Variants in BIN2 observed in about 807,000 individuals in gnomAD.
The protein encoded by BIN2 is breast cancer associated protein BRAP1.
In BIN2, 43 loss-of-function variants were observed where a neutral mutation model predicts 67.9. The observed-to-expected ratio is 0.63, with a 90% CI of 0.50 to 0.82. The LOEUF (loss-of-function observed/expected upper bound fraction) is 0.82. BIN2 is among the 40% of genes least tolerant of loss of function. The probability of loss-of-function intolerance (pLI) is 0.00; values close to 1 mark genes in which losing one functional copy is unlikely to be tolerated. For synonymous variants in BIN2, 244 were observed against 246.8 expected (o/e 0.99, Z 0.11); for missense variants, 581 against 671.6 (o/e 0.87, Z 1.49).
At chr12:51,293,466 T>A (rs551753610) in intron 9 of BIN2, among the ~76,000 whole-genome samples, 8 of 152,182 alleles carry the variant, frequency 5.3e-5, no homozygotes, top group African/African-American at 1.9e-4. Flanking sequence ...CCCGCCACCA[T>A]GCCCAGCTAA....
intron 7 of BIN2, among the ~76,000 whole-genome samples, chr12:51,297,845 T>C (rs1032550643): frequency 1.3e-5 from 2 of 152,180 alleles, no homozygotes; most frequent in Admixed American, 6.5e-5. Flanking sequence ...TAAGTAATTA[T>C]TCTTTCCCTT....
At chr12:51,295,737 A>G in intron 9 of BIN2, 59 bp downstream of exon 9, 1 of 1,403,078 alleles carries the variant, frequency 7.1e-7, no homozygotes, top group Non-Finnish European at 1.0e-6. Context: ...GGAGATGAGG[A>G]TGTTGAATAC....
At position 51,302,773 on chromosome 12, in the gene BIN2, A is replaced by G. The variant is rs1379408859; in HGVS notation, c.225T>C (p.His75=). 4 of 1,613,108 alleles carry G rather than the reference A, an allele frequency of 2.5e-6. No individual in the cohort carries two copies. The highest frequency in any genetic ancestry group is 2.2e-5 in the East Asian group (1 of 44,878). Reference sequence around the variant, plus strand: ...TTTCTGACACTCTTTTTGAACTTTCATGCATCACTGAAAGGAGAGAATTCA... The same window carrying G: ...TTTCTGACACTCTTTTTGAACTTTCGTGCATCACTGAAAGGAGAGAATTCA... ...KNFLSAVKVM[H]ESSKRVSETL... Residue 75 remains histidine (H), a synonymous_variant, in exon 4 of 13, where the codon CAT becomes CAC. Transcript: ENST00000615107.
chr12:51,287,189 G>A (rs1205307842), intron 11 of BIN2, among the ~76,000 whole-genome samples: 1 of 152,068 alleles, frequency 6.6e-6, no homozygotes, highest in Non-Finnish European at 1.5e-5. Flanking sequence ...GCCCAAGCTG[G>A]AGTGCAGTGG....
intron 1 of BIN2, among the ~76,000 whole-genome samples, chr12:51,318,038 C>G (rs144947988): frequency 2.0e-5 from 3 of 152,190 alleles, no homozygotes; most frequent in Admixed American, 1.3e-4. Context: ...TAAAGGGTGA[C>G]AGCAGAAAGA....
At chr12:51,305,971 G>A (rs2137410277) in intron 2 of BIN2, among the ~76,000 whole-genome samples, 1 of 151,556 alleles carries the variant, frequency 6.6e-6, no homozygotes, top group Admixed American at 6.6e-5. Flanking sequence ...TGCATAGCTA[G>A]GACTACAGGT....
At chr12:51,310,677 C>T (rs972702365) in intron 2 of BIN2, among the ~76,000 whole-genome samples, 3 of 152,180 alleles carry the variant, frequency 2.0e-5, no homozygotes, top group Non-Finnish European at 4.4e-5. Flanking sequence ...CATACACATA[C>T]ATAGCAAAGT....
intron 11 of BIN2, among the ~76,000 whole-genome samples, chr12:51,285,312 G>T (rs568820125): frequency 6.6e-6 from 1 of 152,218 alleles, no homozygotes; most frequent in African/African-American, 2.4e-5. Flanking sequence ...ACGTGCAGGG[G>T]TGCACACCTG....
chr12:51,292,812 G>A lies in BIN2; in HGVS notation c.762-468C>T, dbSNP rs889034113. On this transcript the variant is annotated intron_variant, in intron 9 of 12. Transcript: ENST00000615107. ...GGCAATCATCTACCTTCTTGCTTCC[G>A]TTCTCAAACTGTAAACAAATGTCCT... 7.9e-5 allele frequency among the ~76,000 whole-genome samples: 12 copies of A among 152,212 alleles called. No homozygotes were observed. In the South Asian group the frequency reaches 8.3e-4, roughly 11 times the overall value.
intron 9 of BIN2, among the ~76,000 whole-genome samples, 193 bp downstream of exon 9, chr12:51,295,603 T>A (rs1247190857): frequency 0.068 from 1,601 of 23,636 alleles, 239 homozygotes; most frequent in Middle Eastern, 0.11. Context: ...TATATATATA[T>A]ATATATATAT....
chr12:51,284,044 G>A (rs1945181374), intron 12 of BIN2, among the ~76,000 whole-genome samples: 1 of 151,582 alleles, frequency 6.6e-6, no homozygotes, highest in East Asian at 1.9e-4. Flanking sequence ...TAGCCTAAGT[G>A]TACAGTGTTT....
At chr12:51,307,848 G>A (rs1412114579) in intron 2 of BIN2, among the ~76,000 whole-genome samples, 2 of 152,138 alleles carry the variant, frequency 1.3e-5, no homozygotes, top group Non-Finnish European at 2.9e-5. Flanking sequence ...AAAACTAGGG[G>A]GTACTCTATC....
chr12:51,323,442 C>T (rs1946340567), intron 1 of BIN2, among the ~76,000 whole-genome samples: 2 of 149,726 alleles, frequency 1.3e-5, no homozygotes, highest in Admixed American at 6.6e-5. Flanking sequence ...GGTGTACTCC[C>T]CAACGCCAAA....
At chr12:51,285,916 G>A (rs978639463) in intron 11 of BIN2, among the ~76,000 whole-genome samples, 4 of 152,112 alleles carry the variant, frequency 2.6e-5, no homozygotes, top group African/African-American at 9.7e-5. Context: ...CTGGCCAACA[G>A]AACCAATTTC....
chr12:51,286,561 A>G (rs1357552129), intron 11 of BIN2, among the ~76,000 whole-genome samples: 1 of 152,204 alleles, frequency 6.6e-6, no homozygotes, highest in Non-Finnish European at 1.5e-5. Flanking sequence ...AGCTTGTTTT[A>G]TCATTCCCCA....
Position 51,297,139 on chromosome 12 carries a change from A to G in BIN2, c.628T>C (p.Phe210Leu). ...NSRIGCYVTI[F>L]QNISNLRDVF... Reference sequence around the variant, plus strand: ...TCCCTCAAGTTGGAAATGTTTTGGAAGATGGTCACATAGCAGCCAATACGA... The same window carrying G: ...TCCCTCAAGTTGGAAATGTTTTGGAGGATGGTCACATAGCAGCCAATACGA... The change falls in exon 8 of 13, where the codon TTC becomes CTC. Residue 210 changes from phenylalanine to leucine, a missense_variant. Coordinates refer to ENST00000615107, the MANE Select transcript of BIN2 (RefSeq NM_016293.4). 6.2e-7 allele frequency: 1 copy of G among 1,614,124 alleles called. No homozygotes were observed. The highest frequency in any genetic ancestry group is 1.3e-5 in the African/African-American group (1 of 75,052).
At chr12:51,302,969 C>T (rs2137400932) in intron 3 of BIN2, 118 bp downstream of exon 3, 1 of 1,281,010 alleles carries the variant, frequency 7.8e-7, no homozygotes, top group South Asian at 1.2e-5. Context: ...TTCCAGGAGT[C>T]AAGAGTAGTC....
At chr12:51,317,096 G>A (rs1225490954) in intron 1 of BIN2, among the ~76,000 whole-genome samples, 4 of 151,888 alleles carry the variant, frequency 2.6e-5, no homozygotes, top group African/African-American at 9.7e-5. Context: ...GGCTGCTCTC[G>A]AATTCCCGAC....
intron 10 of BIN2, among the ~76,000 whole-genome samples, chr12:51,289,633 A>C (rs796534704): frequency 3.3e-5 from 5 of 152,216 alleles, no homozygotes; most frequent in African/African-American, 1.2e-4. Context: ...AGAAAGAAAA[A>C]AAAGAGTATG....
Sources: gnomAD v4.1 joint callset for allele counts (sites outside exome capture counted in the v4.1 genomes callset) on GRCh38, gnomAD v4.1.1 for gene constraint, MANE v1.5 for transcripts, NCBI Gene and HGNC (gene_info 2026-07-23, HGNC 2026-07-21) for gene names.